The following KCNQ1OT1 variants were observed in gnomAD, a reference collection of about 807,000 sequenced individuals.
KCNQ1OT1 encodes KCNQ1 opposite strand/antisense transcript 1.
At chr11:2,648,567 T>C (rs185076931) in exon 1 of KCNQ1OT1, 3 of 398,524 alleles carry the variant, frequency 7.5e-6, no homozygotes, top group African/African-American at 6.2e-5. Flanking sequence ...GATTTCCGTG[T>C]ATCTGTTCAA....
exon 1 of KCNQ1OT1, chr11:2,675,127 C>G (rs1850269720): frequency 7.5e-6 from 3 of 398,538 alleles, no homozygotes; most frequent in Non-Finnish European, 1.3e-5. Context: ...TCACTAGCCT[C>G]TTTCTCCCAT....
At chr11:2,684,893 A>G in exon 1 of KCNQ1OT1, 1 of 398,670 alleles carries the variant, frequency 2.5e-6, no homozygotes, top group Non-Finnish European at 4.4e-6. Flanking sequence ...TTCTTTCACT[A>G]CATCATAAGG....
chr11:2,658,700 A>T lies in KCNQ1OT1; in HGVS notation n.41295T>A. The T allele has an allele frequency of 2.5e-6, 1 of 398,584 alleles. No homozygotes were observed. Among genetic ancestry groups the T allele is most frequent in the Non-Finnish European group, 4.4e-6 (1 of 226,052 alleles). 24.7% of individuals were successfully genotyped at this position (398,584 alleles called of 1,614,324 possible). On this transcript the variant is annotated non_coding_transcript_exon_variant, in exon 1 of 1. Transcript: ENST00000597346. This position sits in a 1 kb window ranked among gnomAD's most constrained non-coding sequence, Gnocchi z 4.9. ...ACAGAGCTAGGAAATATATGTATGT[A>T]TGTAACCTGAGTACACATACATCTT...
chr11:2,637,997 C>A (rs1328743683), exon 1 of KCNQ1OT1: 1 of 152,190 alleles, frequency 6.6e-6, no homozygotes, highest in Non-Finnish European at 1.5e-5. Flanking sequence ...ACTAGGATTG[C>A]AACCCCTGCC....
At chr11:2,633,771 G>A in exon 1 of KCNQ1OT1, 1 of 398,364 alleles carries the variant, frequency 2.5e-6, no homozygotes, top group Non-Finnish European at 4.4e-6. Flanking sequence ...CCATTGTTTT[G>A]TATACAAGGG....
chr11:2,678,766 G>A lies in KCNQ1OT1; in HGVS notation n.21229C>T, dbSNP rs1850337028. On this transcript the variant is annotated non_coding_transcript_exon_variant, in exon 1 of 1. Coordinates refer to ENST00000597346, the Ensembl canonical transcript of KCNQ1OT1. The surrounding 1 kb of genome is among the most constrained non-coding windows in gnomAD (Gnocchi z 4.9). ...GGAAGCTGGGGTGTTTGGGACTGAG[G>A]CTTCATCGTGGCAGCTAATAATGTC... 2 of 398,492 alleles carry A rather than the reference G, an allele frequency of 5.0e-6. No individual in the cohort carries two copies. Among genetic ancestry groups the A allele is most frequent in the East Asian group, 3.6e-5 (1 of 28,080 alleles). The allele number at this position is 398,492 out of a possible 1,614,324, so 24.7% of individuals were successfully genotyped here.
chr11:2,618,500 G>A (rs960202439), exon 1 of KCNQ1OT1: 1 of 398,342 alleles, frequency 2.5e-6, no homozygotes, highest in Non-Finnish European at 4.4e-6. Flanking sequence ...GTGGAAAATT[G>A]GTTGATCATA....
chr11:2,612,119 A>G lies in KCNQ1OT1; in HGVS notation n.87876T>C, dbSNP rs1848987178. On this transcript the variant is annotated non_coding_transcript_exon_variant, in exon 1 of 1. Transcript: ENST00000597346. The surrounding 1 kb of genome is among the most constrained non-coding windows in gnomAD (Gnocchi z 5.5). ...GACAGGGGTTCCCAACCCCAGGGCC[A>G]TGGACTGGTACCAGTCTGTGGCCTA... 5.0e-6 allele frequency: 2 copies of G among 398,554 alleles called. No individual in the cohort carries two copies. Among genetic ancestry groups the G allele is most frequent in the Non-Finnish European group, 8.8e-6 (2 of 226,078 alleles). 24.7% of individuals were successfully genotyped at this position (398,554 alleles called of 1,614,324 possible).
exon 1 of KCNQ1OT1, chr11:2,610,428 C>T (rs1589980200): frequency 2.5e-6 from 1 of 398,298 alleles, no homozygotes; most frequent in East Asian, 3.6e-5. Context: ...TATTAACCTC[C>T]TTATATCATA....
At chr11:2,685,712 G>A in exon 1 of KCNQ1OT1, 1 of 398,694 alleles carries the variant, frequency 2.5e-6, no homozygotes. Context: ...GGGACCCCAG[G>A]GAGGGTGCTC....
rs887908875 is a variant in KCNQ1OT1, at chr11:2,645,007, C to A, written n.54988G>T. ...TATGCTGGTACCAGTGTTAGCAAGT[C>A]CAGGGAAACCAATTTTGGGCCTCCA... On this transcript the variant is annotated non_coding_transcript_exon_variant, in exon 1 of 1. Transcript: ENST00000597346. The surrounding 1 kb of genome is among the most constrained non-coding windows in gnomAD (Gnocchi z 5.8). The A allele has an allele frequency of 5.0e-6, 2 of 398,548 alleles. No individual in the cohort carries two copies. The highest frequency in any genetic ancestry group is 4.1e-5 in the African/African-American group (2 of 48,610). 24.7% of individuals were successfully genotyped at this position (398,548 alleles called of 1,614,324 possible). A position where few individuals can be genotyped will look rare whatever the true frequency, so the allele number is the denominator to read the frequency against.
At position 2,670,483 on chromosome 11, in the gene KCNQ1OT1, A is replaced by G. The variant is rs1850163299; in HGVS notation, n.29512T>C. 2.5e-6 allele frequency: 1 copy of G among 397,360 alleles called. No homozygotes were observed. Among genetic ancestry groups the G allele is most frequent in the Admixed American group, 4.4e-5 (1 of 22,558 alleles). The allele number at this position is 397,360 out of a possible 1,614,324, so 24.6% of individuals were successfully genotyped here. On this transcript the variant is annotated non_coding_transcript_exon_variant, in exon 1 of 1. Coordinates refer to ENST00000597346, the Ensembl canonical transcript of KCNQ1OT1. The surrounding 1 kb of genome is among the most constrained non-coding windows in gnomAD (Gnocchi z 4.9). ...CACATCCTTGGTAGGTCCCTCAGAGAGCATCTAGTGGGCCTGTCCTCCCAG... is the reference window on the plus strand; with the variant it reads ...CACATCCTTGGTAGGTCCCTCAGAGGGCATCTAGTGGGCCTGTCCTCCCAG...
chr11:2,637,749 C>G (rs535173778), exon 1 of KCNQ1OT1: 1 of 152,148 alleles, frequency 6.6e-6, no homozygotes, highest in Non-Finnish European at 1.5e-5. Flanking sequence ...TGTTAACTTC[C>G]GGTCTTGTTG....
Position 2,613,119 on chromosome 11 carries a change from T to C in KCNQ1OT1, n.86876A>G. 2.5e-6 allele frequency: 1 copy of C among 398,660 alleles called. No individual in the cohort carries two copies. 24.7% of individuals were successfully genotyped at this position (398,660 alleles called of 1,614,324 possible). ...CATTTGTTTAAACATCTTGAGCCAG[T>C]GAATCTTCCACCCTCTGCTGAGGGG... On this transcript the variant is annotated non_coding_transcript_exon_variant, in exon 1 of 1. Transcript: ENST00000597346. The surrounding 1 kb of genome is among the most constrained non-coding windows in gnomAD (Gnocchi z 4.8).
exon 1 of KCNQ1OT1, chr11:2,685,935 T>C (rs1050796759): frequency 5.0e-6 from 2 of 398,578 alleles, no homozygotes; most frequent in South Asian, 2.5e-4. Flanking sequence ...GGGCCCACTC[T>C]CCCATCCTCC....
In KCNQ1OT1 at chr11:2,608,937, CCT is replaced by C; in HGVS notation, n.91056_91057del. ...CTCCCCTTCTTTTCTTCTCCCTCTC[CCT>C]CTCTCTTACCAATCTATCAAAGGTT... On this transcript the variant is annotated non_coding_transcript_exon_variant, in exon 1 of 1. Coordinates refer to ENST00000597346, the Ensembl canonical transcript of KCNQ1OT1. The surrounding 1 kb of genome is among the most constrained non-coding windows in gnomAD (Gnocchi z 4.6). The C allele has an allele frequency of 2.5e-6, 1 of 398,400 alleles. No individual in the cohort carries two copies. Among genetic ancestry groups the C allele is most frequent in the Non-Finnish European group, 4.4e-6 (1 of 226,042 alleles). 24.7% of individuals were successfully genotyped at this position (398,400 alleles called of 1,614,324 possible).
rs1850657598 is a variant in KCNQ1OT1 at position 2,695,446 on chromosome 11, T to C, written n.4549A>G. 1 of 398,564 alleles carries C rather than the reference T, an allele frequency of 2.5e-6. No homozygotes were observed. The highest frequency in any genetic ancestry group is 4.4e-6 in the Non-Finnish European group (1 of 226,142). The allele number at this position is 398,564 out of a possible 1,614,324, so 24.7% of individuals were successfully genotyped here. A position where few individuals can be genotyped will look rare whatever the true frequency, so the allele number is the denominator to read the frequency against. The stretch of plus-strand genomic sequence containing the variant: ...GCCCTCTTTCTGTTTGGCATTTGTG[T>C]CACTCAGCACTGTGTTTCCACGCGT... On this transcript the variant is annotated non_coding_transcript_exon_variant, in exon 1 of 1. Coordinates refer to ENST00000597346, the Ensembl canonical transcript of KCNQ1OT1. This position sits in a 1 kb window ranked among gnomAD's most constrained non-coding sequence, Gnocchi z 5.2.
At position 2,645,444 on chromosome 11, in the gene KCNQ1OT1, G is replaced by A. The variant is rs1270436743; in HGVS notation, n.54551C>T. ...GTAATGCAAGAATGTACTGACTGTG[G>A]TAGGCAGGCACAGGAAGATCCCTGT... On this transcript the variant is annotated non_coding_transcript_exon_variant, in exon 1 of 1. Coordinates refer to ENST00000597346, the Ensembl canonical transcript of KCNQ1OT1. The surrounding 1 kb of genome is among the most constrained non-coding windows in gnomAD (Gnocchi z 5.8). 1 of 398,564 alleles carries A rather than the reference G, an allele frequency of 2.5e-6. No homozygotes were observed. The highest frequency in any genetic ancestry group is 4.4e-6 in the Non-Finnish European group (1 of 226,138). 24.7% of individuals were successfully genotyped at this position (398,564 alleles called of 1,614,324 possible). A position where few individuals can be genotyped will look rare whatever the true frequency, so the allele number is the denominator to read the frequency against.
At position 2,689,460 on chromosome 11, in the gene KCNQ1OT1, A is replaced by G. The variant is rs577185991; in HGVS notation, n.10535T>C. 3.8e-5 allele frequency: 15 copies of G among 398,428 alleles called. No homozygotes were observed. In the South Asian group the frequency reaches 1.9e-3, roughly 51 times the overall value. 24.7% of individuals were successfully genotyped at this position (398,428 alleles called of 1,614,324 possible). On this transcript the variant is annotated non_coding_transcript_exon_variant, in exon 1 of 1. Coordinates refer to ENST00000597346, the Ensembl canonical transcript of KCNQ1OT1. Reference sequence around the variant, plus strand: ...CTGCCTTGGAATGACACTCCCAGAGACCTCTGCTCTGCCTACCTGCATTCT... The same window carrying G: ...CTGCCTTGGAATGACACTCCCAGAGGCCTCTGCTCTGCCTACCTGCATTCT...
Sources: gnomAD v4.1 joint callset for allele counts on GRCh38, gnomAD v4.1.1 for gene constraint, Gnocchi (gnomAD v3.1) non-coding constraint, MANE v1.5 for transcripts, NCBI Gene and HGNC (gene_info 2026-07-23, HGNC 2026-07-21) for gene names.